The following EEA1 variants were observed in gnomAD, a reference collection of about 807,000 sequenced individuals.
The protein encoded by EEA1 is early endosome antigen 1, 162kD.
A neutral mutation model predicts 209.2 loss-of-function variants in EEA1; 111 were observed. The ratio of observed to expected loss-of-function variants is 0.53; its 90% CI spans 0.45 to 0.62. The LOEUF is 0.62. Among genes scored for constraint, EEA1 ranks in the 20% least tolerant of loss-of-function variants. The probability of loss-of-function intolerance (pLI) is 0.00; values close to 1 mark genes in which losing one functional copy is unlikely to be tolerated. For missense variants in EEA1, 1,343 were observed against 1,530.8 expected, an observed-to-expected ratio of 0.88 and a Z score of 2.05; for synonymous variants, 536 against 540.6, an observed-to-expected ratio of 0.99 and a Z score of 0.12.
At chr12:92,882,165 T>C (rs1879174904) in intron 2 of EEA1, among the ~76,000 whole-genome samples, 1 of 152,052 alleles carries the variant, frequency 6.6e-6, no homozygotes, top group South Asian at 2.1e-4. Context: ...TGGAGTGCAG[T>C]GGAGTGATCT....
intron 12 of EEA1, among the ~76,000 whole-genome samples, chr12:92,827,579 G>A (rs769763962): frequency 4.6e-5 from 7 of 151,978 alleles, no homozygotes; most frequent in Non-Finnish European, 8.8e-5. Flanking sequence ...TGTCATTAAC[G>A]ATCTTTACCA....
chr12:92,864,922 T>C lies in EEA1; in HGVS notation c.183A>G (p.Glu61=). ...GSADELFKHY[E]AVHDAGNDSG... ...AGTCATTACCAGCATCATGAACAGC[T>C]TCATAATGTTTGAAAAGTTCATCAG... Residue 61 remains glutamate (E), a synonymous_variant, in exon 3 of 29, where the codon GAA becomes GAG. Coordinates refer to ENST00000322349, the MANE Select transcript of EEA1 (RefSeq NM_003566.4). The C allele has an allele frequency of 6.2e-7, 1 of 1,611,466 alleles. No homozygotes were observed. Among genetic ancestry groups the C allele is most frequent in the Non-Finnish European group, 8.5e-7 (1 of 1,178,832 alleles).
At chr12:92,806,759 AG>A (rs1357915137) in intron 18 of EEA1, among the ~76,000 whole-genome samples, 2 of 152,216 alleles carry the variant, frequency 1.3e-5, no homozygotes, top group African/African-American at 4.8e-5. Flanking sequence ...ATATACAAAA[AG>A]GTAATACAGC....
At chr12:92,852,372 AT>A (rs1226662205) in intron 7 of EEA1, 76 bp from the exon 8 acceptor site, 2 of 959,558 alleles carry the variant, frequency 2.1e-6, no homozygotes, top group African/African-American at 3.4e-5. Flanking sequence ...TACTCTGCAT[AT>A]CTGTATATCA....
In EEA1 at chr12:92,851,244, T is replaced by C. The variant is rs1007116352; in HGVS notation, c.665A>G (p.Asp222Gly). 1 of 1,613,280 alleles carries C rather than the reference T, an allele frequency of 6.2e-7. No individual in the cohort carries two copies. Among genetic ancestry groups the C allele is most frequent in the African/African-American group, 1.3e-5 (1 of 74,882 alleles). The change falls in exon 9 of 29, where the codon GAT (aspartate) becomes GGT (glycine). Residue 222 changes from aspartate to glycine, a missense_variant. By Grantham distance (94) the Asp-to-Gly change is moderately conservative. This residue lies in a region of EEA1 where 1,307 missense variants were observed against 1,465.5 expected (regional missense o/e 0.89). Coordinates refer to ENST00000322349, the MANE Select transcript of EEA1 (RefSeq NM_003566.4). ...CAGTTCTTTCTTTAGCACGGCAACA[T>C]CTTCTATACCAGGTCTCTGAAGCTG... Reference protein sequence around the residue: ...TELLQRPGIEDVAVLKKELVQ... With the variant: ...TELLQRPGIEGVAVLKKELVQ...
intron 11 of EEA1, among the ~76,000 whole-genome samples, chr12:92,831,819 C>T (rs926117377): frequency 6.6e-6 from 1 of 151,648 alleles, no homozygotes; most frequent in African/African-American, 2.4e-5. Flanking sequence ...GGCGCGGTGG[C>T]TCACGCCTGT....
Position 92,799,066 on chromosome 12 carries a change from C to A in EEA1, c.2793G>T (p.Leu931Phe). ...GTTGTTCCTGCATTGAATTGAGTTC[C>A]AATTTCAACTGATGAGAAGCCTGAA... is the stretch of plus-strand genomic sequence containing the variant. ...KEKEASHQLK[L>F]ELNSMQEQLI... Residue 931 changes from leucine to phenylalanine, a missense_variant, in exon 21 of 29, where the codon TTG (leucine) becomes TTT (phenylalanine). By Grantham distance (22) the Leu-to-Phe change is conservative. Coordinates refer to ENST00000322349, the MANE Select transcript of EEA1 (RefSeq NM_003566.4). 6.3e-7 allele frequency: 1 copy of A among 1,587,266 alleles called. No individual in the cohort carries two copies. Among genetic ancestry groups the A allele is most frequent in the Non-Finnish European group, 8.5e-7 (1 of 1,171,206 alleles).
At chr12:92,829,704 G>A (rs540409421) in intron 11 of EEA1, among the ~76,000 whole-genome samples, 7 of 149,482 alleles carry the variant, frequency 4.7e-5, no homozygotes, top group South Asian at 2.1e-4. Flanking sequence ...GCTTGGACCC[G>A]GAAAATGGAG....
chr12:92,777,619 A>G lies in EEA1; in HGVS notation c.3938T>C (p.Val1313Ala), dbSNP rs1873713248. The G allele has an allele frequency of 6.2e-7, 1 of 1,612,138 alleles. No individual in the cohort carries two copies. Among genetic ancestry groups the G allele is most frequent in the African/African-American group, 1.3e-5 (1 of 74,822 alleles). ...ATCCAGCTTTCTTTGCAATTCTAAT[A>G]CTTTGGTTTGAAGCTTTTCTATTTC... ...EGEIEKLQTK[V>A]LELQRKLDNT... Residue 1313 changes from valine to alanine, a missense_variant, in exon 27 of 29, where the codon GTA becomes GCA. Val to Ala is a moderately conservative substitution (Grantham distance 64). Transcript: ENST00000322349.
Position 92,782,103 on chromosome 12 carries a change from C to A in EEA1, c.3183G>T (p.Glu1061Asp). The change falls in exon 23 of 29, where the codon GAG (glutamate) becomes GAT (aspartate). Residue 1061 changes from glutamate to aspartate, a missense_variant. Coordinates refer to ENST00000322349, the MANE Select transcript of EEA1 (RefSeq NM_003566.4). The stretch of plus-strand genomic sequence containing the variant: ...TTTGATTTCTGTTTGAAATCAAGTC[C>A]TCCTGTGCTAGAGAAAGCTTCTCTT... ...SVEEKLSLAQ[E>D]DLISNRNQIG... The A allele has an allele frequency of 6.2e-7, 1 of 1,612,120 alleles. No homozygotes were observed. The highest frequency in any genetic ancestry group is 8.5e-7 in the Non-Finnish European group (1 of 1,178,968).
intron 9 of EEA1, among the ~76,000 whole-genome samples, 200 bp from the exon 10 acceptor site, chr12:92,842,781 T>C (rs192404697): frequency 1.3e-3 from 203 of 152,344 alleles, no homozygotes; most frequent in African/African-American, 4.8e-3. Flanking sequence ...CTAAGATGCA[T>C]AACTTCATTT....
intron 20 of EEA1, among the ~76,000 whole-genome samples, chr12:92,799,736 G>C (rs929423336): frequency 6.6e-6 from 1 of 151,900 alleles, no homozygotes; most frequent in African/African-American, 2.4e-5. Context: ...GCAGTGAGCC[G>C]AGATCGTGCC....
chr12:92,889,613 T>TA (rs1287990323), intron 2 of EEA1, among the ~76,000 whole-genome samples: 1 of 149,648 alleles, frequency 6.7e-6, no homozygotes, highest in East Asian at 2.0e-4. Context: ...AAAAGAAAGA[T>TA]AAAGTCCGGG....
At chr12:92,780,511 G>T in intron 23 of EEA1, 100 bp from the exon 24 acceptor site, 1 of 859,548 alleles carries the variant, frequency 1.2e-6, no homozygotes, top group Non-Finnish European at 1.7e-6. Context: ...CACTGGCTCT[G>T]CCCTTTTCTA....
chr12:92,776,103 A>G lies in EEA1; in HGVS notation c.4144T>C (p.Cys1382Arg). The G allele has an allele frequency of 6.2e-7, 1 of 1,610,596 alleles. No homozygotes were observed. The highest frequency in any genetic ancestry group is 8.5e-7 in the Non-Finnish European group (1 of 1,177,884). Residue 1382 changes from cysteine to arginine, a missense_variant, in exon 29 of 29, where the codon TGT becomes CGT. By Grantham distance (180) the Cys-to-Arg change is radical. Coordinates refer to ENST00000322349, the MANE Select transcript of EEA1 (RefSeq NM_003566.4). ...HHCRQCGNIF[C>R]AECSAKNALT... ...GCATTTTTGGCTGAACATTCAGCAC[A>G]GAAGATATTTCCACACTGTCGGCAG...
intron 18 of EEA1, among the ~76,000 whole-genome samples, chr12:92,808,133 A>C (rs1875302405): frequency 6.6e-6 from 1 of 152,142 alleles, no homozygotes; most frequent in Admixed American, 6.5e-5. Flanking sequence ...ATGATATTAG[A>C]TACTATGATA....
intron 21 of EEA1, among the ~76,000 whole-genome samples, chr12:92,791,762 A>C (rs544722947): frequency 2.0e-5 from 3 of 152,326 alleles, no homozygotes; most frequent in African/African-American, 7.2e-5. Context: ...TCAGCTCTGC[A>C]ACAAGCAGAC....
chr12:92,851,404 T>C, intron 8 of EEA1, 138 bp from the exon 9 acceptor site: 1 of 794,196 alleles, frequency 1.3e-6, no homozygotes, highest in Non-Finnish European at 2.0e-6. Context: ...CATTGAACAC[T>C]GATATCTTCT....
rs760069890 is a variant in EEA1, at chr12:92,832,569, T to C, written c.1197A>G (p.Gln399=). ...GCTGCTCCTTTTCTTCTCTCTGTTG[T>C]TGTAGCTGCTTAAACTCCGCCTTTA... is the stretch of plus-strand genomic sequence containing the variant. ...QHLKAEFKQL[Q]QQREEKEQHG... is the part of the protein sequence containing the mutation. Residue 399 remains glutamine (Q), a synonymous_variant, in exon 11 of 29, where the codon CAA becomes CAG. Coordinates refer to ENST00000322349, the MANE Select transcript of EEA1 (RefSeq NM_003566.4). 1.5e-5 allele frequency: 25 copies of C among 1,614,004 alleles called. No individual in the cohort carries two copies. The highest frequency in any genetic ancestry group is 1.9e-5 in the Non-Finnish European group (23 of 1,180,014).
Sources: allele counts gnomAD v4.1 joint callset (sites outside exome capture counted in the v4.1 genomes callset), GRCh38; gene constraint gnomAD v4.1.1; regional missense constraint gnomAD v4.1.1; transcripts MANE v1.5; gene names NCBI Gene and HGNC (gene_info 2026-07-23, HGNC 2026-07-21).